The following CAST variants were observed in gnomAD, a reference collection of about 807,000 sequenced individuals.
CAST encodes the protein MIR583 host.
CAST carries 76 observed loss-of-function variants against 119.6 expected under a neutral mutation model. That is an observed-to-expected ratio of 0.64 (90% confidence interval 0.53 to 0.77). CAST has a LOEUF of 0.77. Among genes scored for constraint, CAST ranks in the 30% least tolerant of loss-of-function variants. The pLI is 0.00. For missense variants in CAST, 953 were observed against 946.5 expected (o/e 1.01, Z -0.09); for synonymous variants, 319 against 331.6 (o/e 0.96, Z 0.41).
chr5:96,222,168 A>G, the CAST span, among the ~76,000 whole-genome samples: 3 of 152,228 alleles, frequency 2.0e-5, no homozygotes, highest in Non-Finnish European at 4.4e-5. Context: ...AGAAAAAACC[A>G]TAGAGAAAAT....
At chr5:96,241,010 A>T in the CAST span, among the ~76,000 whole-genome samples, 1 of 152,056 alleles carries the variant, frequency 6.6e-6, no homozygotes, top group East Asian at 1.9e-4. Context: ...TATTTATATG[A>T]TAAGCATGTA....
the CAST span, among the ~76,000 whole-genome samples, chr5:96,405,600 G>C: frequency 1.4e-4 from 21 of 152,120 alleles, no homozygotes; most frequent in African/African-American, 4.8e-4. Context: ...GAACCGGAGG[G>C]GTTGAGGTTG....
chr5:96,472,748 A>G, the CAST span, among the ~76,000 whole-genome samples: 65 of 152,316 alleles, frequency 4.3e-4, no homozygotes, highest in African/African-American at 1.5e-3. Flanking sequence ...GGTACCTCTA[A>G]TGTAAGAAGG....
chr5:96,291,042 A>G, the CAST span, among the ~76,000 whole-genome samples: 3 of 152,228 alleles, frequency 2.0e-5, no homozygotes, highest in East Asian at 5.8e-4. Flanking sequence ...ACAGAGAACA[A>G]CTGAGGCTCT....
Position 96,695,925 on chromosome 5 carries a change from C to T in CAST, c.210+18C>T. ...CCACCAAGGTCAGTGATTTCCTGAA[C>T]ACGAAAAGACCCCTACTGTATTCTA... On this transcript the variant is annotated intron_variant, in intron 3 of 31. Coordinates refer to ENST00000675179, the MANE Select transcript of CAST (RefSeq NM_001750.7). 6.3e-7 allele frequency: 1 copy of T among 1,576,426 alleles called. No homozygotes were observed.
At chr5:96,751,273 T>A (rs1764993026) in intron 20 of CAST, among the ~76,000 whole-genome samples, 1 of 152,212 alleles carries the variant, frequency 6.6e-6, no homozygotes. Flanking sequence ...TGGAATTATA[T>A]TTCAATTGTA....
the CAST span, chr5:95,961,965 G>A: frequency 4.5e-6 from 2 of 446,284 alleles, no homozygotes; most frequent in South Asian, 6.2e-5. Flanking sequence ...GCCCTCATCG[G>A]CCGCCCTCCA....
At chr5:96,274,128 G>A in the CAST span, among the ~76,000 whole-genome samples, 1 of 149,954 alleles carries the variant, frequency 6.7e-6, no homozygotes. Context: ...TTGAGACAGA[G>A]TCTTACTCTG....
At chr5:96,374,446 T>C in the CAST span, among the ~76,000 whole-genome samples, 2 of 152,198 alleles carry the variant, frequency 1.3e-5, no homozygotes, top group Non-Finnish European at 2.9e-5. Context: ...CATCCTGGAC[T>C]GAAATAATTT....
At chr5:96,419,942 G>T in the CAST span, among the ~76,000 whole-genome samples, 1 of 152,024 alleles carries the variant, frequency 6.6e-6, no homozygotes, top group African/African-American at 2.4e-5. Flanking sequence ...CATCGTACAA[G>T]TTATCACCCA....
the CAST span, among the ~76,000 whole-genome samples, chr5:96,410,071 G>A: frequency 6.6e-6 from 1 of 152,010 alleles, no homozygotes; most frequent in East Asian, 1.9e-4. Flanking sequence ...TTAAATTGGG[G>A]GCCTTACATT....
At chr5:96,108,822 C>G in the CAST span, among the ~76,000 whole-genome samples, 2 of 152,258 alleles carry the variant, frequency 1.3e-5, no homozygotes, top group African/African-American at 4.8e-5. Flanking sequence ...CCTCCCCCAG[C>G]CTTGCTGCCA....
At chr5:95,975,704 A>G in the CAST span, among the ~76,000 whole-genome samples, 1 of 152,172 alleles carries the variant, frequency 6.6e-6, no homozygotes, top group East Asian at 1.9e-4. Flanking sequence ...ATTTCTTTCA[A>G]TTAGAAGTTA....
the CAST span, among the ~76,000 whole-genome samples, chr5:96,383,559 C>A: frequency 2.6e-5 from 4 of 152,200 alleles, no homozygotes; most frequent in Non-Finnish European, 5.9e-5. Flanking sequence ...CAATTCTCTG[C>A]CTCAGCCTCC....
At chr5:96,666,819 G>C (rs934997861) in intron 1 of CAST, among the ~76,000 whole-genome samples, 1 of 152,164 alleles carries the variant, frequency 6.6e-6, no homozygotes, top group Non-Finnish European at 1.5e-5. Flanking sequence ...AGCCTTCTGG[G>C]GGTGGGAACA....
the CAST span, among the ~76,000 whole-genome samples, chr5:96,520,184 T>C: frequency 6.6e-6 from 1 of 152,222 alleles, no homozygotes; most frequent in African/African-American, 2.4e-5. Context: ...TTAAATACAA[T>C]GCATCTTTTA....
chr5:96,754,545 T>G, intron 21 of CAST, 113 bp from the exon 22 acceptor site: 1 of 703,122 alleles, frequency 1.4e-6, no homozygotes, highest in South Asian at 1.8e-5. Context: ...TACGGTCATA[T>G]GTACTTCCTA....
At chr5:96,207,216 T>C in the CAST span, among the ~76,000 whole-genome samples, 1 of 152,074 alleles carries the variant, frequency 6.6e-6, no homozygotes, top group Non-Finnish European at 1.5e-5. Context: ...GACTATAGGG[T>C]TTTCTCAGTA....
chr5:96,435,981 C>A, the CAST span, among the ~76,000 whole-genome samples: 1 of 152,162 alleles, frequency 6.6e-6, no homozygotes. Context: ...ACAGTGTAAC[C>A]ATTTGGGCCA....
Sources: gnomAD v4.1 joint callset for allele counts (sites outside exome capture counted in the v4.1 genomes callset) on GRCh38, gnomAD v4.1.1 for gene constraint, MANE v1.5 for transcripts, NCBI Gene and HGNC (gene_info 2026-07-23, HGNC 2026-07-21) for gene names.